Variants in ATP11A observed in about 807,000 individuals in gnomAD.
ATP11A encodes the protein phospholipid-transporting ATPase IH.
Under a neutral mutation model 154.4 loss-of-function variants are expected in ATP11A, and 81 were observed. The ratio of observed to expected loss-of-function variants is 0.52; its 90% CI spans 0.44 to 0.63. The LOEUF (loss-of-function observed/expected upper bound fraction) is 0.63. ATP11A is among the 30% of genes least tolerant of loss of function. ATP11A has a pLI of 0.00. For missense variants in ATP11A, 1,316 were observed against 1,474.3 expected (o/e 0.89, Z 1.76); for synonymous variants, 623 against 585.9 (o/e 1.06, Z -0.91).
intron 18 of ATP11A, 137 bp downstream of exon 18, chr13:112,851,355 C>A: frequency 1.3e-6 from 1 of 773,264 alleles, no homozygotes; most frequent in Non-Finnish European, 2.0e-6. Context: ...CAGGGAGAGG[C>A]TAGGTGTCTT....
At chr13:112,878,599 A>G (rs1050660232) in intron 29 of ATP11A, 7 of 492,508 alleles carry the variant, frequency 1.4e-5, no homozygotes, top group Non-Finnish European at 2.2e-5. Flanking sequence ...AGCTGGCCAC[A>G]TGACCCCTCA....
chr13:112,709,929 G>A (rs79881604), intron 1 of ATP11A, among the ~76,000 whole-genome samples: 2,731 of 152,376 alleles, frequency 0.018, 42 homozygotes, highest in Non-Finnish European at 0.028. Context: ...CAGTTAGGCC[G>A]CGCTGCTCCC....
At chr13:112,813,923 T>C (rs1394253139) in intron 5 of ATP11A, among the ~76,000 whole-genome samples, 1 of 152,224 alleles carries the variant, frequency 6.6e-6, no homozygotes, top group Admixed American at 6.5e-5. Context: ...TTTTTACTGT[T>C]AAATGTTGAG....
intron 17 of ATP11A, among the ~76,000 whole-genome samples, chr13:112,845,975 G>C (rs2079595754): frequency 6.6e-6 from 1 of 152,226 alleles, no homozygotes; most frequent in Non-Finnish European, 1.5e-5. Context: ...TCCAGTTGGG[G>C]CTGTTTTGGA....
intron 1 of ATP11A, among the ~76,000 whole-genome samples, chr13:112,732,567 G>A (rs1890597118): frequency 2.0e-5 from 3 of 152,072 alleles, no homozygotes; most frequent in Non-Finnish European, 4.4e-5. Flanking sequence ...AAAAATAAAA[G>A]CACTTACAAA....
intron 1 of ATP11A, among the ~76,000 whole-genome samples, chr13:112,777,724 GGGAAGGCTGCC>G (rs1223977133): frequency 3.3e-5 from 5 of 152,238 alleles, no homozygotes; most frequent in Admixed American, 2.6e-4. Context: ...GAAGGTGGGT[GGGAAGGCTGCC>G]GGAAGGCTGC....
At chr13:112,878,032 G>GA (rs1033793424) in intron 28 of ATP11A, among the ~76,000 whole-genome samples, 185 bp from the exon 29 acceptor site, 3 of 152,236 alleles carry the variant, frequency 2.0e-5, no homozygotes, top group African/African-American at 7.2e-5. Context: ...TCACGGTGGG[G>GA]GGCACCAGTG....
At chr13:112,795,425 T>G (rs2077975281) in intron 2 of ATP11A, among the ~76,000 whole-genome samples, 1 of 152,214 alleles carries the variant, frequency 6.6e-6, no homozygotes, top group Admixed American at 6.5e-5. Flanking sequence ...ATTGTAAATC[T>G]CTGTGGCTCG....
intron 5 of ATP11A, 68 bp downstream of exon 5, chr13:112,810,794 G>A (rs2078471152): frequency 2.1e-6 from 3 of 1,436,108 alleles, no homozygotes; most frequent in South Asian, 2.3e-5. Context: ...GTTTTACCCA[G>A]GTGCAGTGGC....
Position 112,814,835 on chromosome 13 carries a change from G to A in ATP11A, c.442-1248G>A, listed in dbSNP as rs528284840. Among the ~76,000 whole-genome samples the A allele has an allele frequency of 3.3e-5, 5 of 152,280 alleles. No homozygotes were observed. The East Asian group carries it at 9.6e-4, about 29-fold the overall frequency. On this transcript the variant is annotated intron_variant, in intron 5 of 29. Coordinates refer to ENST00000375645, the MANE Select transcript of ATP11A (RefSeq NM_015205.3). ...TTTCAAGGTTGTTTTAGCTATTCTA[G>A]AGCCTGTGCCTTCCCATATAAGTTT... is the stretch of plus-strand genomic sequence containing the variant.
At chr13:112,765,364 C>G (rs2077051032) in intron 1 of ATP11A, among the ~76,000 whole-genome samples, 1 of 152,190 alleles carries the variant, frequency 6.6e-6, no homozygotes, top group South Asian at 2.1e-4. Context: ...GTTTTCTGGT[C>G]CTGGCCTGGG....
chr13:112,847,822 A>G (rs1239717426), intron 17 of ATP11A, among the ~76,000 whole-genome samples: 1 of 152,220 alleles, frequency 6.6e-6, no homozygotes, highest in East Asian at 1.9e-4. Flanking sequence ...ACGGTGGCTC[A>G]TACTTGTAAT....
intron 20 of ATP11A, chr13:112,856,848 C>A (rs1306476753): frequency 6.6e-6 from 1 of 152,202 alleles, no homozygotes; most frequent in African/African-American, 2.4e-5. Flanking sequence ...ACTCTGGAAA[C>A]CAAGGAGGTG....
rs530828602 is a variant in ATP11A, at chr13:112,884,893, C to G, written c.*3027C>G. ...TCCCTGCCACAGACCGTCTCAGACA[C>G]GCACAGTGGGCCTGCTGCATGCGTG... On this transcript the variant is annotated 3_prime_UTR_variant, in exon 30 of 30. Transcript: ENST00000375645. The G allele has an allele frequency of 7.9e-5, 12 of 152,208 alleles. No individual in the cohort carries two copies. The highest frequency in any genetic ancestry group is 3.9e-4 in the Admixed American group (6 of 15,242). 9.4% of individuals were successfully genotyped at this position (152,208 alleles called of 1,614,324 possible).
intron 2 of ATP11A, among the ~76,000 whole-genome samples, chr13:112,790,809 G>C (rs189115308): frequency 1.3e-5 from 2 of 152,304 alleles, no homozygotes; most frequent in East Asian, 3.9e-4. Context: ...CATTTTTAAA[G>C]AATATTTTAC....
intron 25 of ATP11A, among the ~76,000 whole-genome samples, chr13:112,866,283 C>T (rs188686374): frequency 2.6e-4 from 39 of 152,220 alleles, no homozygotes; most frequent in South Asian, 1.0e-3. Flanking sequence ...TCGGTAGAAA[C>T]GCTGTTAGCC....
Position 112,864,705 on chromosome 13 carries a change from C to T in ATP11A, c.2991+2130C>T, listed in dbSNP as rs1343202294. Among the ~76,000 whole-genome samples, 44 of 65,844 alleles carry T rather than the reference C, an allele frequency of 6.7e-4. 2 individuals are homozygous for T. The highest frequency in any genetic ancestry group is 9.3e-3 in the Middle Eastern group (1 of 108). The allele number at this position is 65,844 out of a possible 152,430, so 43.2% of individuals were successfully genotyped here. A position where few individuals can be genotyped will look rare whatever the true frequency, so the allele number is the denominator to read the frequency against. On this transcript the variant is annotated intron_variant, in intron 25 of 29. Transcript: ENST00000375645. ...TCCCAGCGGGGTCCATCACCACCTGCGCAGTAATTCAGTGCAGCACGTGCA... is the reference window on the plus strand; with the variant it reads ...TCCCAGCGGGGTCCATCACCACCTGTGCAGTAATTCAGTGCAGCACGTGCA...
chr13:112,762,982 TTGCCCCA>T (rs1187405697), intron 1 of ATP11A, among the ~76,000 whole-genome samples: 1 of 152,240 alleles, frequency 6.6e-6, no homozygotes, highest in Non-Finnish European at 1.5e-5. Context: ...ATTCTTCAGT[TTGCCCCA>T]TTTTATGCCT....
intron 25 of ATP11A, among the ~76,000 whole-genome samples, chr13:112,863,963 G>A (rs2080223358): frequency 1.2e-5 from 1 of 83,684 alleles, no homozygotes; most frequent in South Asian, 4.3e-4. Flanking sequence ...GTAATTCAGT[G>A]CGGCCCATGC....
Sources: allele counts gnomAD v4.1 joint callset (sites outside exome capture counted in the v4.1 genomes callset), GRCh38; gene constraint gnomAD v4.1.1; transcripts MANE v1.5; gene names NCBI Gene and HGNC (gene_info 2026-07-23, HGNC 2026-07-21).